Variants in HOXC11 observed in about 807,000 individuals in gnomAD.
The protein encoded by HOXC11 is homeobox C11.
A neutral mutation model predicts 23.6 loss-of-function variants in HOXC11; 17 were observed. The observed-to-expected ratio is 0.72, with a 90% CI of 0.49 to 1.08. The LOEUF is 1.08. HOXC11 is among the 50% of genes least tolerant of loss of function. The pLI, the probability that HOXC11 is intolerant of heterozygous loss-of-function variation, is 0.00. For missense variants in HOXC11, 413 were observed against 412.1 expected (o/e 1.00, Z -0.02); for synonymous variants, 196 against 183.8 (o/e 1.07, Z -0.54).
chr12:53,974,936 C>G (rs562612832), intron 1 of HOXC11: 5 of 499,782 alleles, frequency 1.0e-5, no homozygotes, highest in African/African-American at 6.3e-5. Flanking sequence ...CTGTCAGCCG[C>G]GGCTCTCGCC....
At position 53,973,625 on chromosome 12, in the gene HOXC11, C is replaced by G. The variant is rs143575026; in HGVS notation, c.384C>G (p.Ser128Arg). Residue 128 changes from serine (S) to arginine (R), a missense_variant, in exon 1 of 2, where the codon AGC (serine) becomes AGG (arginine). Ser to Arg is a moderately radical substitution (Grantham distance 110). Coordinates refer to ENST00000546378, the MANE Select transcript of HOXC11 (RefSeq NM_014212.4). This position sits in a 1 kb window ranked among gnomAD's most constrained non-coding sequence, Gnocchi z 4.3. ...CCTACGGCGGCCACCACCACCCCAG[C>G]GCCCCGCACGCAACCCCCGCCGGCT... Reference protein sequence around the residue: ...EGSYGGHHHPSAPHATPAGFY... With the variant: ...EGSYGGHHHPRAPHATPAGFY... 9.7e-4 allele frequency: 1,571 copies of G among 1,613,756 alleles called. 3 individuals carry two copies. Among genetic ancestry groups the G allele is most frequent in the Non-Finnish European group, 1.2e-3 (1,460 of 1,180,034 alleles).
chr12:53,973,322 C>T lies in HOXC11; in HGVS notation c.81C>T (p.Ser27=). 6.2e-7 allele frequency: 1 copy of T among 1,614,032 alleles called. No homozygotes were observed. Among genetic ancestry groups the T allele is most frequent in the Non-Finnish European group, 8.5e-7 (1 of 1,180,002 alleles). ...GCGCAGATTTCGGCGAGCGAGGGAG[C>T]TGCGCCTCCAACCTCTATCTGCCCA... The part of the protein sequence containing the change: ...ERGADFGERG[S]CASNLYLPSC... The change falls in exon 1 of 2, where the codon AGC becomes AGT. Residue 27 remains serine (S), a synonymous_variant. Transcript: ENST00000546378. The surrounding 1 kb of genome is among the most constrained non-coding windows in gnomAD (Gnocchi z 4.3).
Position 53,976,468 on chromosome 12 carries a change from C to T in HOXC11, c.*1055C>T, listed in dbSNP as rs1261757771. On this transcript the variant is annotated 3_prime_UTR_variant, in exon 2 of 2. Coordinates refer to ENST00000546378, the MANE Select transcript of HOXC11 (RefSeq NM_014212.4). ...TTATTAACCCCTCTCCTCTTAAAAT[C>T]CTCCATGCTCCCATGGCAGCGGCGG... 5.6e-6 allele frequency: 1 copy of T among 178,768 alleles called. No individual in the cohort carries two copies. 11.1% of individuals were successfully genotyped at this position (178,768 alleles called of 1,614,324 possible). A position where few individuals can be genotyped will look rare whatever the true frequency, so the allele number is the denominator to read the frequency against.
chr12:53,975,153 T>G, intron 1 of HOXC11, 28 bp from the exon 2 acceptor site: 9 of 654,310 alleles, frequency 1.4e-5, no homozygotes, highest in African/African-American at 1.9e-5. Context: ...CCCCCTCTCC[T>G]CGCACTTGCC....
rs1225529134 is a variant in HOXC11, at chr12:53,976,354, C to T, written c.*941C>T. The T allele has an allele frequency of 9.1e-6, 2 of 218,600 alleles. No individual in the cohort carries two copies. The highest frequency in any genetic ancestry group is 4.5e-5 in the African/African-American group (2 of 44,464). 13.5% of individuals were successfully genotyped at this position (218,600 alleles called of 1,614,324 possible). A position where few individuals can be genotyped will look rare whatever the true frequency, so the allele number is the denominator to read the frequency against. The stretch of plus-strand genomic sequence containing the variant: ...TACATGTGCACTCCCCACCCTGCTC[C>T]CTTCCCAGAGGGATTGCTGTGAAAT... On this transcript the variant is annotated 3_prime_UTR_variant, in exon 2 of 2. Transcript: ENST00000546378.
rs1352266435 is a variant in HOXC11 at position 53,973,352 on chromosome 12, C to A, written c.111C>A (p.Cys37Ter). 1.2e-6 allele frequency: 2 copies of A among 1,612,456 alleles called. No individual in the cohort carries two copies. The highest frequency in any genetic ancestry group is 1.7e-6 in the Non-Finnish European group (2 of 1,179,460). ...CCTCCAACCTCTATCTGCCCAGTTG[C>A]ACTTACTACATGCCCGAGTTCTCCA... is the stretch of plus-strand genomic sequence containing the variant. ...SCASNLYLPS[C>*]TYYMPEFSTV... Residue 37 changes from cysteine to a stop codon, truncating the protein, a stop_gained, in exon 1 of 2, where the codon TGC becomes TGA. Coordinates refer to ENST00000546378, the MANE Select transcript of HOXC11 (RefSeq NM_014212.4). LOFTEE classifies it high-confidence loss of function. The surrounding 1 kb of genome is among the most constrained non-coding windows in gnomAD (Gnocchi z 4.3).
rs1211441832 is a variant in HOXC11, at chr12:53,975,670, C to G, written c.*257C>G. 3.4e-6 allele frequency: 2 copies of G among 582,758 alleles called. No individual in the cohort carries two copies. The highest frequency in any genetic ancestry group is 5.8e-5 in the East Asian group (2 of 34,340). 36.1% of individuals were successfully genotyped at this position (582,758 alleles called of 1,614,324 possible). A position where few individuals can be genotyped will look rare whatever the true frequency, so the allele number is the denominator to read the frequency against. On this transcript the variant is annotated 3_prime_UTR_variant, in exon 2 of 2. Transcript: ENST00000546378. ...ATGCACGGCGAGTGAACACCGTTGG[C>G]GCCGAGGCCAAGACTTTGATTTAAA...
Position 53,976,866 on chromosome 12 carries a change from T to TC in HOXC11, c.*1453_*1454insC, listed in dbSNP as rs1387823812. ...TGGAGGTTAGGGCTTTTTTTTTTTT[T>TC]TCTCTAGGAGAAATCTGTATTGGAA... On this transcript the variant is annotated 3_prime_UTR_variant, in exon 2 of 2. Coordinates refer to ENST00000546378, the MANE Select transcript of HOXC11 (RefSeq NM_014212.4). 198 of 152,152 alleles carry TC rather than the reference T, an allele frequency of 1.3e-3. No individual in the cohort carries two copies. Among genetic ancestry groups the TC allele is most frequent in the African/African-American group, 4.4e-3 (182 of 41,510 alleles). The allele number at this position is 152,152 out of a possible 1,614,324, so 9.4% of individuals were successfully genotyped here.
At chr12:53,974,054 T>C in intron 1 of HOXC11, 131 bp downstream of exon 1, 1 of 682,088 alleles carries the variant, frequency 1.5e-6, no homozygotes, top group Non-Finnish European at 2.3e-6. Flanking sequence ...TATGTGGAGT[T>C]TTATAAGCAT....
rs1010635218 is a variant in HOXC11, at chr12:53,977,474, C to T, written c.*2061C>T. The T allele has an allele frequency of 2.6e-5, 4 of 152,208 alleles. No individual in the cohort carries two copies. Among genetic ancestry groups the T allele is most frequent in the African/African-American group, 7.2e-5 (3 of 41,454 alleles). 9.4% of individuals were successfully genotyped at this position (152,208 alleles called of 1,614,324 possible). A position where few individuals can be genotyped will look rare whatever the true frequency, so the allele number is the denominator to read the frequency against. On this transcript the variant is annotated 3_prime_UTR_variant, in exon 2 of 2. Coordinates refer to ENST00000546378, the MANE Select transcript of HOXC11 (RefSeq NM_014212.4). ...TCTAATTTGTAAACGTGGGTCGGGT[C>T]GTGAGACAAGATTTGCAAACTAGGG...
In HOXC11 at chr12:53,973,250, C is replaced by G; in HGVS notation, c.9C>G (p.Asn3Lys). The change falls in exon 1 of 2, where the codon AAC becomes AAG. Residue 3 changes from asparagine to lysine, a missense_variant. By Grantham distance (94) the Asn-to-Lys change is moderately conservative. Coordinates refer to ENST00000546378, the MANE Select transcript of HOXC11 (RefSeq NM_014212.4). This position sits in a 1 kb window ranked among gnomAD's most constrained non-coding sequence, Gnocchi z 4.3. ...GGCAGGAGAGGAGAACGATGTTTAA[C>G]TCGGTCAACCTGGGCAACTTCTGCT... MF[N>K]SVNLGNFCSP... 1 of 1,596,340 alleles carries G rather than the reference C, an allele frequency of 6.3e-7. No individual in the cohort carries two copies. The highest frequency in any genetic ancestry group is 8.5e-7 in the Non-Finnish European group (1 of 1,172,702).
At position 53,973,550 on chromosome 12, in the gene HOXC11, G is replaced by A. The variant is rs1281899707; in HGVS notation, c.309G>A (p.Glu103=). The A allele has an allele frequency of 2.5e-6, 4 of 1,613,170 alleles. No homozygotes were observed. The highest frequency in any genetic ancestry group is 1.3e-5 in the African/African-American group (1 of 74,884). ...YAAADELMHR[E]CLPPSTVTEI... ...CGGCCGACGAGCTTATGCACCGGGA[G>A]TGCCTGCCTCCTTCCACCGTCACCG... The change falls in exon 1 of 2, where the codon GAG becomes GAA. Residue 103 remains glutamate, a synonymous_variant. Coordinates refer to ENST00000546378, the MANE Select transcript of HOXC11 (RefSeq NM_014212.4). The surrounding 1 kb of genome is among the most constrained non-coding windows in gnomAD (Gnocchi z 4.3).
intron 1 of HOXC11, 82 bp downstream of exon 1, chr12:53,974,005 G>C (rs1939201686): frequency 1.6e-6 from 2 of 1,241,848 alleles, no homozygotes; most frequent in South Asian, 3.3e-5. Context: ...GGAGGCAAGG[G>C]GAGCGGGGAC....
Position 53,975,606 on chromosome 12 carries a change from AG to A in HOXC11, c.*196del. On this transcript the variant is annotated 3_prime_UTR_variant, in exon 2 of 2. Transcript: ENST00000546378. ...CTCTATCTGACTCTCGCTGTGGGACAGGGACCGGGCCTGGAAAGGGGGTGAA... is the reference window on the plus strand; with the variant it reads ...CTCTATCTGACTCTCGCTGTGGGACAGGACCGGGCCTGGAAAGGGGGTGAA... 1 of 651,568 alleles carries A rather than the reference AG, an allele frequency of 1.5e-6. No homozygotes were observed. The allele number at this position is 651,568 out of a possible 1,614,324, so 40.4% of individuals were successfully genotyped here. A position where few individuals can be genotyped will look rare whatever the true frequency, so the allele number is the denominator to read the frequency against.
At chr12:53,974,345 G>T (rs1939209596) in intron 1 of HOXC11, among the ~76,000 whole-genome samples, 1 of 151,680 alleles carries the variant, frequency 6.6e-6, no homozygotes, top group South Asian at 2.1e-4. Flanking sequence ...AAAGGGGAGG[G>T]CGAGGGAAAG....
chr12:53,976,451 C>T lies in HOXC11; in HGVS notation c.*1038C>T, dbSNP rs1019766499. On this transcript the variant is annotated 3_prime_UTR_variant, in exon 2 of 2. Coordinates refer to ENST00000546378, the MANE Select transcript of HOXC11 (RefSeq NM_014212.4). ...GATTTTATTTGACCCTTTTATTAAC[C>T]CCTCTCCTCTTAAAATCCTCCATGC... 5.5e-6 allele frequency: 1 copy of T among 181,818 alleles called. No individual in the cohort carries two copies. Among genetic ancestry groups the T allele is most frequent in the Non-Finnish European group, 1.2e-5 (1 of 85,044 alleles). 11.3% of individuals were successfully genotyped at this position (181,818 alleles called of 1,614,324 possible). A position where few individuals can be genotyped will look rare whatever the true frequency, so the allele number is the denominator to read the frequency against.
At chr12:53,974,886 A>G in intron 1 of HOXC11, 1 of 318,098 alleles carries the variant, frequency 3.1e-6, no homozygotes, top group Non-Finnish European at 5.7e-6. Context: ...GCCCGAGGGG[A>G]CGCACGTGTA....
At position 53,973,720 on chromosome 12, in the gene HOXC11, G is replaced by A. The variant is rs752719839; in HGVS notation, c.479G>A (p.Cys160Tyr). 3.1e-6 allele frequency: 5 copies of A among 1,612,542 alleles called. 1 individual carries two copies. In the Admixed American group the frequency reaches 8.3e-5, roughly 27 times the overall value. ...AFDRFFDNAY[C>Y]GGGDPPAEPP... Reference sequence around the variant, plus strand: ...GACCGTTTCTTCGACAACGCCTACTGCGGTGGCGGCGACCCGCCCGCCGAG... The same window carrying A: ...GACCGTTTCTTCGACAACGCCTACTACGGTGGCGGCGACCCGCCCGCCGAG... Residue 160 changes from cysteine (C) to tyrosine (Y), a missense_variant, in exon 1 of 2, where the codon TGC becomes TAC. Physicochemically the swap from Cys to Tyr is radical, Grantham distance 194. Transcript: ENST00000546378. This position sits in a 1 kb window ranked among gnomAD's most constrained non-coding sequence, Gnocchi z 4.3.
At position 53,976,757 on chromosome 12, in the gene HOXC11, A is replaced by G. The variant is rs796084756; in HGVS notation, c.*1344A>G. The G allele has an allele frequency of 1.3e-5, 2 of 152,060 alleles. No homozygotes were observed. Among genetic ancestry groups the G allele is most frequent in the African/African-American group, 4.8e-5 (2 of 41,458 alleles). The allele number at this position is 152,060 out of a possible 1,614,324, so 9.4% of individuals were successfully genotyped here. A position where few individuals can be genotyped will look rare whatever the true frequency, so the allele number is the denominator to read the frequency against. On this transcript the variant is annotated 3_prime_UTR_variant, in exon 2 of 2. Coordinates refer to ENST00000546378, the MANE Select transcript of HOXC11 (RefSeq NM_014212.4). ...TGTTGTGGAGTTAATTGTAACCATCATCGAATTTAAATTTATAGGAATTTT... is the reference window on the plus strand; with the variant it reads ...TGTTGTGGAGTTAATTGTAACCATCGTCGAATTTAAATTTATAGGAATTTT...
Sources: gnomAD v4.1 joint callset for allele counts (sites outside exome capture counted in the v4.1 genomes callset) on GRCh38, gnomAD v4.1.1 for gene constraint, Gnocchi (gnomAD v3.1) non-coding constraint, MANE v1.5 for transcripts, NCBI Gene and HGNC (gene_info 2026-07-23, HGNC 2026-07-21) for gene names.